HDGFL2: variants seen among roughly 807,000 people sequenced by gnomAD.
The protein encoded by HDGFL2 is hepatoma-derived growth factor-related protein 2.
A neutral mutation model predicts 77.1 loss-of-function variants in HDGFL2; 36 were observed. The ratio of observed to expected loss-of-function variants is 0.47; its 90% CI spans 0.36 to 0.62. The LOEUF (loss-of-function observed/expected upper bound fraction) is 0.62. Among genes scored for constraint, HDGFL2 ranks in the 20% least tolerant of loss-of-function variants. HDGFL2 has a pLI of 0.00. For missense variants in HDGFL2, 976 were observed against 973.4 expected, an observed-to-expected ratio of 1.00 and a Z score of -0.04; for synonymous variants, 463 against 413.1, an observed-to-expected ratio of 1.12 and a Z score of -1.46.
At chr19:4,496,269 A>C in intron 9 of HDGFL2, 33 bp from the exon 10 acceptor site, 1 of 1,579,520 alleles carries the variant, frequency 6.3e-7, no homozygotes, top group Non-Finnish European at 8.7e-7. Flanking sequence ...CCCTCTTCCC[A>C]CTGCTCCAGC....
intron 3 of HDGFL2, among the ~76,000 whole-genome samples, chr19:4,478,917 T>C (rs1449619282): frequency 1.3e-5 from 2 of 150,896 alleles, no homozygotes; most frequent in African/African-American, 4.9e-5. Context: ...ACTCCTGACC[T>C]CATGATCTGC....
intron 6 of HDGFL2, 64 bp downstream of exon 6, chr19:4,491,899 T>G: frequency 1.4e-6 from 2 of 1,440,744 alleles, no homozygotes; most frequent in Non-Finnish European, 1.9e-6. Context: ...TCTCCAGTGC[T>G]GTCCCCAGGG....
At chr19:4,479,695 G>C (rs1975165096) in intron 3 of HDGFL2, among the ~76,000 whole-genome samples, 1 of 151,798 alleles carries the variant, frequency 6.6e-6, no homozygotes, top group Non-Finnish European at 1.5e-5. Context: ...GTCACCTGAG[G>C]TCAGGAGGTC....
chr19:4,480,279 C>T (rs1448526782), intron 3 of HDGFL2, among the ~76,000 whole-genome samples: 1 of 152,186 alleles, frequency 6.6e-6, no homozygotes, highest in African/African-American at 2.4e-5. Flanking sequence ...GGGTCAGAAA[C>T]CAGGGCCCCC....
Position 4,472,405 on chromosome 19 carries a change from C to A in HDGFL2, c.55C>A (p.Pro19Thr). ...GGTGTTCGCTAAGATGAAGGGCTAC[C>A]CTCACTGGCCTGCCAGGGTGAGGCC... ...DLVFAKMKGY[P>T]HWPARIDDIA... Residue 19 changes from proline (P) to threonine (T), a missense_variant, in exon 1 of 16, where the codon CCT (proline) becomes ACT (threonine). By Grantham distance (38) the Pro-to-Thr change is conservative. This residue lies in a region of HDGFL2 where 31 missense variants were observed against 24.3 expected (regional missense o/e 1.27). Transcript: ENST00000616600. 6.6e-7 allele frequency: 1 copy of A among 1,511,516 alleles called. No individual in the cohort carries two copies. Among genetic ancestry groups the A allele is most frequent in the Non-Finnish European group, 8.8e-7 (1 of 1,131,232 alleles). 93.6% of individuals were successfully genotyped at this position (1,511,516 alleles called of 1,614,324 possible).
intron 4 of HDGFL2, among the ~76,000 whole-genome samples, chr19:4,489,975 A>G (rs1473152460): frequency 6.6e-6 from 1 of 152,134 alleles, no homozygotes; most frequent in East Asian, 1.9e-4. Flanking sequence ...TGTCCTGGGC[A>G]TTTCATAGAA....
intron 3 of HDGFL2, among the ~76,000 whole-genome samples, chr19:4,484,683 T>TTTTTTTG (rs1975315185): frequency 1.1e-5 from 1 of 89,912 alleles, no homozygotes; most frequent in African/African-American, 5.0e-5. Context: ...TTTTTTTTTT[T>TTTTTTTG]TTTTTTGACA....
intron 9 of HDGFL2, 111 bp downstream of exon 9, chr19:4,494,586 G>T: frequency 2.5e-6 from 2 of 803,012 alleles, no homozygotes; most frequent in Non-Finnish European, 3.4e-6. Context: ...AAAGCAGTGC[G>T]TGGGCCCAGA....
chr19:4,478,740 G>A (rs1461930552), intron 3 of HDGFL2, among the ~76,000 whole-genome samples: 1 of 151,570 alleles, frequency 6.6e-6, no homozygotes, highest in Non-Finnish European at 1.5e-5. Flanking sequence ...GGAGTGCAGT[G>A]GTGCGACCTC....
In HDGFL2 at chr19:4,494,265, G is replaced by T; in HGVS notation, c.1014G>T (p.Glu338Asp). 1 of 1,456,446 alleles carries T rather than the reference G, an allele frequency of 6.9e-7. No homozygotes were observed. Among genetic ancestry groups the T allele is most frequent in the Non-Finnish European group, 9.0e-7 (1 of 1,108,812 alleles). The allele number at this position is 1,456,446 out of a possible 1,614,324, so 90.2% of individuals were successfully genotyped here. A position where few individuals can be genotyped will look rare whatever the true frequency, so the allele number is the denominator to read the frequency against. ...GGCGGCGGCGAGAGCAGGAGGAGGAGCTGCGGCGCCTGCGGGAGCAGGAGA... is the reference window on the plus strand; with the variant it reads ...GGCGGCGGCGAGAGCAGGAGGAGGATCTGCGGCGCCTGCGGGAGCAGGAGA... ...EARRRREQEE[E>D]LRRLREQEKE... The change falls in exon 9 of 16, where the codon GAG becomes GAT. Residue 338 changes from glutamate (E) to aspartate (D), a missense_variant. Glu to Asp is a conservative substitution (Grantham distance 45). Around this residue, in one of 5 missense-constraint regions of HDGFL2, gnomAD observed 567 missense variants for 534.7 expected, o/e 1.06. Transcript: ENST00000616600.
chr19:4,502,197 TAATGAAAAAAGA>T, exon 16 of HDGFL2: 1 of 671,178 alleles, frequency 1.5e-6, no homozygotes, highest in Non-Finnish European at 2.7e-6. Context: ...AATGGTTTTT[TAATGAAAAAAGA>T]AATCACTTTT....
At chr19:4,498,425 C>A in intron 12 of HDGFL2, 49 bp downstream of exon 12, 1 of 1,434,708 alleles carries the variant, frequency 7.0e-7, no homozygotes, top group East Asian at 2.3e-5. Context: ...TGCCACCTCC[C>A]TGCCAGGCTC....
chr19:4,501,614 C>A (rs933513569), intron 15 of HDGFL2: 6 of 466,112 alleles, frequency 1.3e-5, no homozygotes, highest in Non-Finnish European at 2.3e-5. Context: ...AGCACGGGCA[C>A]CCGGCTATCT....
At chr19:4,482,957 C>G (rs1975258141) in intron 3 of HDGFL2, among the ~76,000 whole-genome samples, 1 of 152,116 alleles carries the variant, frequency 6.6e-6, no homozygotes, top group African/African-American at 2.4e-5. Flanking sequence ...CCCGGGGCTC[C>G]TCATTCTCTG....
chr19:4,483,210 G>A (rs1023993843), intron 3 of HDGFL2, among the ~76,000 whole-genome samples: 7 of 152,218 alleles, frequency 4.6e-5, no homozygotes, highest in African/African-American at 1.7e-4. Flanking sequence ...ACACAAGGGA[G>A]ACAAAACGTG....
At position 4,493,561 on chromosome 19, in the gene HDGFL2, G is replaced by T. The variant is rs527834441; in HGVS notation, c.679-142G>T. On this transcript the variant is annotated intron_variant, in intron 6 of 15. Coordinates refer to ENST00000616600, the MANE Select transcript of HDGFL2 (RefSeq NM_001001520.3). ...GGGGTGGAGGTGGGTTTTGTGGGTG[G>T]GAGGGGATTCGGAGCCGGGCCCTGA... The T allele has an allele frequency of 7.8e-5, 89 of 1,146,176 alleles. No homozygotes were observed. The African/African-American group carries it at 1.3e-3, about 16-fold the overall frequency. 71.0% of individuals were successfully genotyped at this position (1,146,176 alleles called of 1,614,324 possible). A position where few individuals can be genotyped will look rare whatever the true frequency, so the allele number is the denominator to read the frequency against.
At chr19:4,473,041 G>A (rs1160487416) in intron 1 of HDGFL2, among the ~76,000 whole-genome samples, 1 of 150,806 alleles carries the variant, frequency 6.6e-6, no homozygotes, top group African/African-American at 2.4e-5. Context: ...TGGGCCCGAG[G>A]GAGTCGCACC....
chr19:4,475,425 C>A lies in HDGFL2; in HGVS notation c.150-20C>A. 1 of 1,613,918 alleles carries A rather than the reference C, an allele frequency of 6.2e-7. No homozygotes were observed. The highest frequency in any genetic ancestry group is 8.5e-7 in the Non-Finnish European group (1 of 1,179,956). ...GGTGGCCTCACTCACCTGGGACTGG[C>A]CCCCGTTTCCCTTCTCCAGAGCCTT... On this transcript the variant is annotated intron_variant, in intron 2 of 15. Coordinates refer to ENST00000616600, the MANE Select transcript of HDGFL2 (RefSeq NM_001001520.3).
rs771074511 is a variant in HDGFL2 at position 4,502,028 on chromosome 19, C to T, written c.*18C>T. On this transcript the variant is annotated 3_prime_UTR_variant, in exon 16 of 16. Coordinates refer to ENST00000616600, the MANE Select transcript of HDGFL2 (RefSeq NM_001001520.3). ...AGAGCTGAGCCGCGGGCAGCCAGGC[C>T]CAGCCCCCGCCCGAGCTCAGGCTGC... The T allele has an allele frequency of 7.1e-5, 107 of 1,508,846 alleles. No homozygotes were observed. The highest frequency in any genetic ancestry group is 8.9e-5 in the Non-Finnish European group (100 of 1,127,774). 93.5% of individuals were successfully genotyped at this position (1,508,846 alleles called of 1,614,324 possible).
Sources: gnomAD v4.1 joint callset for allele counts (sites outside exome capture counted in the v4.1 genomes callset) on GRCh38, gnomAD v4.1.1 for gene constraint, gnomAD v4.1.1 regional missense constraint, MANE v1.5 for transcripts, NCBI Gene and HGNC (gene_info 2026-07-23, HGNC 2026-07-21) for gene names.